Variants in CSTPP1 observed in about 807,000 individuals in gnomAD.
CSTPP1 encodes the protein UPF0705 protein C11orf49.
chr11:47,054,180 G>A, the CSTPP1 span, among the ~76,000 whole-genome samples: 3 of 150,636 alleles, frequency 2.0e-5, no homozygotes, highest in Admixed American at 6.6e-5. Context: ...GTGTGGTGGC[G>A]GGTGCCTGTA....
the CSTPP1 span, among the ~76,000 whole-genome samples, chr11:47,047,049 C>T: frequency 4.7e-4 from 72 of 151,830 alleles, 4 homozygotes; most frequent in African/African-American, 1.5e-3. Flanking sequence ...TACAGGTGCC[C>T]GCCACCACAC....
the CSTPP1 span, among the ~76,000 whole-genome samples, chr11:47,063,008 G>A: frequency 2.6e-5 from 4 of 152,158 alleles, no homozygotes; most frequent in East Asian, 1.9e-4. Flanking sequence ...TTCCCTGCGC[G>A]TCTGTAGGCA....
chr11:47,098,575 G>A, the CSTPP1 span, among the ~76,000 whole-genome samples: 1 of 150,340 alleles, frequency 6.7e-6, no homozygotes, highest in Non-Finnish European at 1.5e-5. Flanking sequence ...GCGGGATCTC[G>A]GCACACTGCA....
At chr11:46,980,711 A>C in the CSTPP1 span, among the ~76,000 whole-genome samples, 1 of 152,212 alleles carries the variant, frequency 6.6e-6, no homozygotes, top group African/African-American at 2.4e-5. Context: ...GAAGACCATG[A>C]AGTAGATGTA....
At chr11:46,979,396 A>C in the CSTPP1 span, among the ~76,000 whole-genome samples, 2 of 152,292 alleles carry the variant, frequency 1.3e-5, no homozygotes, top group Non-Finnish European at 1.5e-5. Flanking sequence ...TCTGGAAAAT[A>C]GTTATGTGAA....
At chr11:47,114,198 T>C in the CSTPP1 span, among the ~76,000 whole-genome samples, 1 of 152,208 alleles carries the variant, frequency 6.6e-6, no homozygotes, top group Non-Finnish European at 1.5e-5. Context: ...TTCTGTTCCA[T>C]TGGTCAATAT....
At chr11:46,952,579 A>G in the CSTPP1 span, among the ~76,000 whole-genome samples, 13 of 152,292 alleles carry the variant, frequency 8.5e-5, no homozygotes, top group African/African-American at 2.4e-4. Context: ...TGAAGCATAG[A>G]TGTGCTGGTC....
At chr11:47,087,110 G>T in the CSTPP1 span, among the ~76,000 whole-genome samples, 1 of 152,156 alleles carries the variant, frequency 6.6e-6, no homozygotes, top group Non-Finnish European at 1.5e-5. Context: ...CTGTCATGCT[G>T]AAATTCTCCA....
chr11:47,056,169 T>C, the CSTPP1 span, among the ~76,000 whole-genome samples: 1 of 152,198 alleles, frequency 6.6e-6, no homozygotes, highest in Non-Finnish European at 1.5e-5. Context: ...CAATCTTCCG[T>C]ATACAGGGCT....
chr11:47,087,550 T>G, the CSTPP1 span, among the ~76,000 whole-genome samples: 1 of 152,022 alleles, frequency 6.6e-6, no homozygotes. Context: ...AATACAAAAA[T>G]TAGCTGGGCA....
At chr11:47,018,077 A>T in the CSTPP1 span, among the ~76,000 whole-genome samples, 2 of 151,852 alleles carry the variant, frequency 1.3e-5, no homozygotes, top group African/African-American at 4.8e-5. Flanking sequence ...GCTTCTTTTT[A>T]TTGCTGAGTA....
chr11:46,951,295 CTTTT>C, the CSTPP1 span, among the ~76,000 whole-genome samples: 1 of 127,668 alleles, frequency 7.8e-6, no homozygotes, highest in African/African-American at 3.1e-5. Context: ...TCCTTAGACT[CTTTT>C]TTTTTTTTTT....
the CSTPP1 span, among the ~76,000 whole-genome samples, chr11:47,024,318 A>G: frequency 6.6e-6 from 1 of 151,572 alleles, no homozygotes; most frequent in Non-Finnish European, 1.5e-5. Flanking sequence ...CTTGCCTTAT[A>G]GCCTCCCAAA....
At chr11:47,014,371 AAAAG>A in the CSTPP1 span, among the ~76,000 whole-genome samples, 122 of 101,536 alleles carry the variant, frequency 1.2e-3, no homozygotes, top group Non-Finnish European at 1.9e-3. Context: ...AAGAAAGAAA[AAAAG>A]AAAGAAAAAG....
chr11:47,010,597 T>G, the CSTPP1 span, among the ~76,000 whole-genome samples: 1 of 152,178 alleles, frequency 6.6e-6, no homozygotes, highest in Non-Finnish European at 1.5e-5. Context: ...AGCAGAGCCC[T>G]TTTTTGCTTA....
the CSTPP1 span, among the ~76,000 whole-genome samples, chr11:47,021,985 C>T: frequency 2.7e-4 from 41 of 151,738 alleles, no homozygotes; most frequent in African/African-American, 9.4e-4. Flanking sequence ...GTCTCCCTAC[C>T]TTGTCAATAT....
chr11:46,950,568 T>G, the CSTPP1 span, among the ~76,000 whole-genome samples: 1 of 152,116 alleles, frequency 6.6e-6, no homozygotes, highest in Non-Finnish European at 1.5e-5. Context: ...TTTTAAGTAG[T>G]ACAGCTGCCT....
the CSTPP1 span, among the ~76,000 whole-genome samples, chr11:47,092,077 C>G: frequency 6.6e-6 from 1 of 152,162 alleles, no homozygotes; most frequent in African/African-American, 2.4e-5. Flanking sequence ...ATACTTTCTC[C>G]TTGTATTTTT....
chr11:47,155,026 G>C, the CSTPP1 span: 1 of 699,452 alleles, frequency 1.4e-6, no homozygotes, highest in Non-Finnish European at 2.6e-6. Context: ...TCTCCTAAAT[G>C]TCCTGCTGCC....
Sources: gnomAD v4.1 joint callset for allele counts (sites outside exome capture counted in the v4.1 genomes callset) on GRCh38, gnomAD v4.1.1 for gene constraint, MANE v1.5 for transcripts, NCBI Gene and HGNC (gene_info 2026-07-23, HGNC 2026-07-21) for gene names.